Variants in RNF130 observed in about 807,000 individuals in gnomAD.
The protein encoded by RNF130 is E3 ubiquitin-protein ligase RNF130.
In RNF130, 21 loss-of-function variants were observed where a neutral mutation model predicts 44.6. The ratio of observed to expected loss-of-function variants is 0.47; its 90% CI spans 0.33 to 0.68. The LOEUF (loss-of-function observed/expected upper bound fraction) is 0.68, where lower values mean the gene tolerates loss of function less well. Among genes scored for constraint, RNF130 ranks in the 30% least tolerant of loss-of-function variants. RNF130 has a pLI of 0.02. For missense variants in RNF130, 479 were observed against 560.6 expected, an observed-to-expected ratio of 0.85 and a Z score of 1.47; for synonymous variants, 214 against 210.4, an observed-to-expected ratio of 1.02 and a Z score of -0.15.
At chr5:179,911,801 C>T (rs1761471298) in exon 8 of RNF130, 1 of 152,162 alleles carries the variant, frequency 6.6e-6, no homozygotes, top group South Asian at 2.1e-4. Context: ...CTGTGCTGCC[C>T]AGAACATTTC....
chr5:180,013,306 C>T lies in RNF130; in HGVS notation c.448G>A (p.Gly150Arg). The part of the protein sequence containing the change: ...EPVTMTHPGT[G>R]DIIAVMITEL... ...GTTATCATGACAGCAATAATATCTC[C>T]AGTGCCTGCAATATAAAATAAATAT... Residue 150 changes from glycine (G) to arginine (R), a missense_variant, in exon 3 of 9, where the codon GGA becomes AGA. Gly to Arg is a moderately radical substitution (Grantham distance 125). Transcript: ENST00000521389. The T allele has an allele frequency of 1.2e-6, 2 of 1,604,442 alleles. No individual in the cohort carries two copies. Among genetic ancestry groups the T allele is most frequent in the East Asian group, 2.2e-5 (1 of 44,790 alleles).
At chr5:180,016,762 G>A (rs1487924882) in intron 2 of RNF130, among the ~76,000 whole-genome samples, 1 of 152,214 alleles carries the variant, frequency 6.6e-6, no homozygotes, top group Non-Finnish European at 1.5e-5. Context: ...CCAATACTGT[G>A]AGAACACTCA....
chr5:180,061,688 C>T (rs114135949), intron 1 of RNF130, among the ~76,000 whole-genome samples: 2,020 of 152,264 alleles, frequency 0.013, 25 homozygotes, highest in Middle Eastern at 0.02. Context: ...CTTATAAGGA[C>T]ATTAGTCGTT....
At chr5:180,060,513 T>A (rs1449760229) in intron 1 of RNF130, among the ~76,000 whole-genome samples, 1 of 151,762 alleles carries the variant, frequency 6.6e-6, no homozygotes, top group African/African-American at 2.4e-5. Flanking sequence ...CCTTGAAGAG[T>A]GCTGATTAAT....
intron 7 of RNF130, among the ~76,000 whole-genome samples, chr5:179,932,397 A>G (rs986432424): frequency 2.0e-5 from 3 of 151,944 alleles, no homozygotes; most frequent in South Asian, 4.2e-4. Flanking sequence ...AGCTGGGACT[A>G]CAGACATGCG....
chr5:179,941,171 T>C (rs1457578838), intron 7 of RNF130, among the ~76,000 whole-genome samples: 1 of 152,238 alleles, frequency 6.6e-6, no homozygotes, highest in African/African-American at 2.4e-5. Context: ...TTCTCCTTTT[T>C]GGTCATTTGG....
chr5:179,986,084 A>C (rs1008310373), intron 3 of RNF130, among the ~76,000 whole-genome samples: 5 of 152,140 alleles, frequency 3.3e-5, no homozygotes, highest in Admixed American at 2.6e-4. Flanking sequence ...TCATATAATG[A>C]CTTTTCTTTT....
At chr5:180,029,421 GC>G (rs1764070364) in intron 2 of RNF130, among the ~76,000 whole-genome samples, 1 of 152,066 alleles carries the variant, frequency 6.6e-6, no homozygotes, top group Non-Finnish European at 1.5e-5. Context: ...GAGACAATGG[GC>G]AACAGCCTAG....
intron 1 of RNF130, among the ~76,000 whole-genome samples, chr5:180,069,349 C>T (rs1197490078): frequency 1.3e-5 from 2 of 152,126 alleles, no homozygotes; most frequent in African/African-American, 4.8e-5. Flanking sequence ...TGAAAAACTG[C>T]GTATGTGTGA....
At chr5:180,056,070 C>T (rs187739389) in intron 1 of RNF130, among the ~76,000 whole-genome samples, 92 of 151,452 alleles carry the variant, frequency 6.1e-4, no homozygotes, top group Non-Finnish European at 1.0e-3. Context: ...GGCGACAGAG[C>T]GAAACTGGGT....
chr5:180,045,467 G>A (rs190457916), intron 1 of RNF130, among the ~76,000 whole-genome samples: 101 of 152,328 alleles, frequency 6.6e-4, no homozygotes, highest in Middle Eastern at 6.8e-3. Context: ...CAAACAGTGA[G>A]CAGCAGCAAG....
intron 7 of RNF130, among the ~76,000 whole-genome samples, chr5:179,966,555 C>T (rs1247790435): frequency 6.6e-6 from 1 of 152,186 alleles, no homozygotes; most frequent in Non-Finnish European, 1.5e-5. Context: ...TATAAAACAG[C>T]GACTAAGACA....
chr5:180,055,248 CAAAAAAAAAAAAA>C (rs1205914690), intron 1 of RNF130, among the ~76,000 whole-genome samples: 3 of 20,990 alleles, frequency 1.4e-4, no homozygotes, highest in East Asian at 1.2e-3. Context: ...GGTTCTGTCT[CAAAAAAAAAAAAA>C]AAAAAAAAAA....
chr5:179,920,302 G>C, exon 8 of RNF130: 1 of 692,992 alleles, frequency 1.4e-6, no homozygotes, highest in Non-Finnish European at 2.6e-6. Flanking sequence ...CCAACAGCCA[G>C]GCCATGTTTA....
intron 1 of RNF130, among the ~76,000 whole-genome samples, chr5:180,053,427 T>A (rs567131190): frequency 2.6e-5 from 4 of 151,896 alleles, no homozygotes; most frequent in African/African-American, 9.7e-5. Context: ...AGAAAGAAAA[T>A]GACACATTTT....
intron 7 of RNF130, among the ~76,000 whole-genome samples, chr5:179,940,749 T>C (rs143591950): frequency 6.6e-6 from 1 of 152,256 alleles, no homozygotes; most frequent in African/African-American, 2.4e-5. Flanking sequence ...TGATGTCTTT[T>C]GTCAGGTTTG....
intron 3 of RNF130, among the ~76,000 whole-genome samples, chr5:180,002,298 C>T (rs1419580640): frequency 6.6e-6 from 1 of 152,250 alleles, no homozygotes; most frequent in African/African-American, 2.4e-5. Context: ...AGCTCCATCT[C>T]TGCTGGCCCC....
intron 1 of RNF130, among the ~76,000 whole-genome samples, chr5:180,046,755 C>T (rs1177354438): frequency 6.6e-6 from 1 of 152,130 alleles, no homozygotes; most frequent in Non-Finnish European, 1.5e-5. Flanking sequence ...CTTTCCCAGC[C>T]TCCTAAGACT....
chr5:179,921,500 G>T (rs186664951), intron 7 of RNF130, among the ~76,000 whole-genome samples: 1 of 152,352 alleles, frequency 6.6e-6, no homozygotes, highest in East Asian at 1.9e-4. Context: ...CTGCCAGGCT[G>T]TTCTAAGATG....
Sources: gnomAD v4.1 joint callset for allele counts (sites outside exome capture counted in the v4.1 genomes callset) on GRCh38, gnomAD v4.1.1 for gene constraint, MANE v1.5 for transcripts, NCBI Gene and HGNC (gene_info 2026-07-23, HGNC 2026-07-21) for gene names.